ADGRB3: variants seen among roughly 807,000 people sequenced by gnomAD.
ADGRB3 encodes adhesion G protein-coupled receptor B3.
ADGRB3 carries 37 observed loss-of-function variants against 193.4 expected under a neutral mutation model. The observed-to-expected ratio is 0.19, with a 90% CI of 0.15 to 0.25. The LOEUF is 0.25. Among genes scored for constraint, ADGRB3 ranks in the 10% least tolerant of loss-of-function variants. The pLI is 1.00. For missense variants in ADGRB3, 1,637 were observed against 1,852.9 expected (o/e 0.88, Z 2.14); for synonymous variants, 690 against 644.2 (o/e 1.07, Z -1.08).
chr6:69,156,490 A>T (rs1165227897), intron 17 of ADGRB3, among the ~76,000 whole-genome samples: 1 of 152,176 alleles, frequency 6.6e-6, no homozygotes, highest in African/African-American at 2.4e-5. Context: ...ATGAGACAAG[A>T]TTTACCTGGC....
chr6:68,858,522 G>A (rs1281818376), intron 3 of ADGRB3, among the ~76,000 whole-genome samples: 2 of 144,150 alleles, frequency 1.4e-5, no homozygotes, highest in Non-Finnish European at 3.0e-5. Context: ...AAACACCTGA[G>A]GTTGAGGCTG....
At chr6:68,787,529 T>G (rs1288932805) in intron 3 of ADGRB3, among the ~76,000 whole-genome samples, 1 of 152,184 alleles carries the variant, frequency 6.6e-6, no homozygotes, top group Admixed American at 6.5e-5. Flanking sequence ...GGATAAGCTT[T>G]TTGATGTGCT....
intron 3 of ADGRB3, among the ~76,000 whole-genome samples, chr6:68,843,970 G>T (rs1768220480): frequency 6.6e-6 from 1 of 151,986 alleles, no homozygotes; most frequent in Admixed American, 6.6e-5. Flanking sequence ...GCTATCCATA[G>T]GCAGAAGAAT....
intron 12 of ADGRB3, among the ~76,000 whole-genome samples, chr6:69,015,705 T>C (rs1326876002): frequency 6.6e-6 from 1 of 151,998 alleles, no homozygotes. Flanking sequence ...ATGGTGGCTA[T>C]TGACATTGGA....
intron 23 of ADGRB3, chr6:69,332,392 A>G: frequency 1.0e-6 from 1 of 985,042 alleles, no homozygotes. Flanking sequence ...CTGCTTAGAA[A>G]AGCATGGTAC....
chr6:69,218,375 G>T (rs1765818207), intron 17 of ADGRB3, among the ~76,000 whole-genome samples: 1 of 152,106 alleles, frequency 6.6e-6, no homozygotes, highest in Admixed American at 6.6e-5. Flanking sequence ...TGTCCAGTGT[G>T]GATATATAAA....
intron 30 of ADGRB3, among the ~76,000 whole-genome samples, chr6:69,377,207 C>A (rs1769844511): frequency 6.6e-6 from 1 of 152,038 alleles, no homozygotes; most frequent in Admixed American, 6.6e-5. Context: ...GAGAGGAATA[C>A]AGGGCTCAGA....
At chr6:69,058,698 G>C (rs1771622087) in intron 15 of ADGRB3, among the ~76,000 whole-genome samples, 1 of 151,796 alleles carries the variant, frequency 6.6e-6, no homozygotes, top group African/African-American at 2.4e-5. Context: ...TTTCTTCTTT[G>C]ATCCGCTGGT....
chr6:69,075,561 G>A (rs975906870), intron 16 of ADGRB3, among the ~76,000 whole-genome samples: 3 of 152,162 alleles, frequency 2.0e-5, no homozygotes, highest in Admixed American at 1.3e-4. Flanking sequence ...ACTAGAGGCT[G>A]AAGAGGAGGT....
intron 3 of ADGRB3, among the ~76,000 whole-genome samples, chr6:68,812,184 G>C (rs1009293380): frequency 6.6e-6 from 1 of 152,210 alleles, no homozygotes; most frequent in Non-Finnish European, 1.5e-5. Flanking sequence ...CCTAATATAA[G>C]AAGTGTATAT....
intron 22 of ADGRB3, among the ~76,000 whole-genome samples, chr6:69,329,089 C>T (rs1768649708): frequency 6.6e-6 from 1 of 151,542 alleles, no homozygotes; most frequent in South Asian, 2.1e-4. Flanking sequence ...GAAAGATATA[C>T]TGAATCTCTA....
intron 3 of ADGRB3, among the ~76,000 whole-genome samples, chr6:68,670,555 A>C: frequency 6.6e-6 from 1 of 151,768 alleles, no homozygotes; most frequent in African/African-American, 2.4e-5. Flanking sequence ...GTTTTTGGCA[A>C]CTTTGTTGAA....
chr6:68,743,415 AT>A (rs891747264), intron 3 of ADGRB3, among the ~76,000 whole-genome samples: 6 of 145,002 alleles, frequency 4.1e-5, no homozygotes, highest in East Asian at 2.0e-4. Flanking sequence ...TAAGTGCTCC[AT>A]TTTTTTTTTC....
intron 3 of ADGRB3, among the ~76,000 whole-genome samples, chr6:68,715,777 C>A (rs1351443027): frequency 6.6e-6 from 1 of 151,602 alleles, no homozygotes; most frequent in African/African-American, 2.4e-5. Context: ...GTTCCATCGG[C>A]TACAATTAAC....
intron 17 of ADGRB3, among the ~76,000 whole-genome samples, chr6:69,173,020 G>T (rs1297451): frequency 0.32 from 33,854 of 107,020 alleles, 4,909 homozygotes; most frequent in African/African-American, 0.52. Flanking sequence ...GTGGGGTTTT[G>T]GTTTTTGTTT....
chr6:68,713,934 TA>T (rs1280970581), intron 3 of ADGRB3, among the ~76,000 whole-genome samples: 1 of 151,714 alleles, frequency 6.6e-6, no homozygotes, highest in African/African-American at 2.4e-5. Flanking sequence ...ATCTTTGGAT[TA>T]AAATAATTGT....
chr6:69,300,190 A>G (rs1221630116), intron 20 of ADGRB3, among the ~76,000 whole-genome samples: 1 of 151,888 alleles, frequency 6.6e-6, no homozygotes, highest in Non-Finnish European at 1.5e-5. Context: ...AATGTCATAC[A>G]TCACACAACA....
At chr6:69,145,265 G>T (rs1378525904) in intron 17 of ADGRB3, among the ~76,000 whole-genome samples, 1 of 152,196 alleles carries the variant, frequency 6.6e-6, no homozygotes, top group Non-Finnish European at 1.5e-5. Context: ...AGGCATGTTG[G>T]CTGCGGTAGG....
At chr6:68,650,277 T>C (rs1046036660) in intron 3 of ADGRB3, among the ~76,000 whole-genome samples, 5 of 152,224 alleles carry the variant, frequency 3.3e-5, no homozygotes, top group African/African-American at 9.6e-5. Flanking sequence ...AATATGTGTT[T>C]GTCTTAATAA....
Sources: gnomAD v4.1 joint callset for allele counts (sites outside exome capture counted in the v4.1 genomes callset) on GRCh38, gnomAD v4.1.1 for gene constraint, MANE v1.5 for transcripts, NCBI Gene and HGNC (gene_info 2026-07-23, HGNC 2026-07-21) for gene names.